The following RAVER2 variants were observed in gnomAD, a reference collection of about 807,000 sequenced individuals.
RAVER2 encodes ribonucleoprotein, PTB binding 2, also known as ribonucleoprotein PTB-binding 2.
RAVER2 carries 46 observed loss-of-function variants against 78.1 expected under a neutral mutation model. The ratio of observed to expected loss-of-function variants is 0.59; its 90% CI spans 0.46 to 0.75. The LOEUF (loss-of-function observed/expected upper bound fraction) is 0.75, where lower values mean the gene tolerates loss of function less well. Ranked by LOEUF, RAVER2 falls within the 30% of genes least tolerant of loss-of-function variation. RAVER2 has a pLI of 0.00. For missense variants in RAVER2, 793 were observed against 837.5 expected (o/e 0.95, Z 0.66); for synonymous variants, 311 against 313.3 (o/e 0.99, Z 0.08).
chr1:64,784,093 C>T (rs1006154550), intron 4 of RAVER2, among the ~76,000 whole-genome samples: 11 of 152,172 alleles, frequency 7.2e-5, no homozygotes, highest in African/African-American at 2.4e-4. Context: ...ACATTTAAAA[C>T]CTTCTACTGG....
At chr1:64,804,591 G>A in intron 6 of RAVER2, 143 bp from the exon 7 acceptor site, 1 of 480,730 alleles carries the variant, frequency 2.1e-6, no homozygotes, top group Admixed American at 4.0e-5. Context: ...AATTAGCTTT[G>A]TCTGATAAGT....
intron 5 of RAVER2, among the ~76,000 whole-genome samples, chr1:64,790,917 A>G (rs1349387823): frequency 1.3e-5 from 2 of 152,218 alleles, no homozygotes; most frequent in Admixed American, 1.3e-4. Context: ...TCAATCTTCC[A>G]TATGGCTGCC....
intron 9 of RAVER2, 24 bp from the exon 10 acceptor site, chr1:64,812,714 C>T (rs774512404): frequency 2.7e-6 from 4 of 1,506,310 alleles, no homozygotes; most frequent in Non-Finnish European, 3.7e-6. Context: ...ATTAAGTACT[C>T]CCTCCTTTGT....
intron 4 of RAVER2, among the ~76,000 whole-genome samples, chr1:64,787,346 G>T (rs1007370928): frequency 6.6e-6 from 1 of 152,128 alleles, no homozygotes; most frequent in African/African-American, 2.4e-5. Context: ...TGGGGAAGGG[G>T]ATGGGCAGAG....
chr1:64,783,701 C>G (rs1318447546), intron 4 of RAVER2, among the ~76,000 whole-genome samples: 1 of 152,144 alleles, frequency 6.6e-6, no homozygotes, highest in African/African-American at 2.4e-5. Flanking sequence ...TGTCTATTCA[C>G]TCTGATGGTA....
At chr1:64,812,965 C>A in intron 10 of RAVER2, 116 bp downstream of exon 10, 1 of 571,584 alleles carries the variant, frequency 1.7e-6, no homozygotes, top group Non-Finnish European at 2.9e-6. Context: ...CAAATTAAGG[C>A]CTAAATTATT....
intron 1 of RAVER2, among the ~76,000 whole-genome samples, chr1:64,757,299 T>G (rs918406798): frequency 6.6e-6 from 1 of 152,168 alleles, no homozygotes; most frequent in East Asian, 1.9e-4. Flanking sequence ...TCCAAATTGA[T>G]ATGTTGAAGC....
In RAVER2 at chr1:64,750,503, G is replaced by A. The variant is rs1418540296; in HGVS notation, c.249+5082G>A. Among the ~76,000 whole-genome samples, 2 of 151,618 alleles carry A rather than the reference G, an allele frequency of 1.3e-5. 1 individual carries two copies. Among genetic ancestry groups the A allele is most frequent in the African/African-American group, 4.8e-5 (2 of 41,306 alleles). ...TTTTTTAATTTTTTGTAGAGACACG[G>A]TCTCTCTATGTTGCCCAGGCTGGTC... is the stretch of plus-strand genomic sequence containing the variant. On this transcript the variant is annotated intron_variant, in intron 1 of 11. Transcript: ENST00000294428.
intron 2 of RAVER2, among the ~76,000 whole-genome samples, chr1:64,776,019 CAAAA>C (rs34578439): frequency 4.6e-5 from 4 of 87,452 alleles, no homozygotes; most frequent in Admixed American, 1.3e-4. Context: ...ACTCTTGTCT[CAAAA>C]AAAAAAAAAA....
intron 3 of RAVER2, among the ~76,000 whole-genome samples, chr1:64,778,947 C>A (rs1246090377): frequency 1.4e-5 from 2 of 146,754 alleles, no homozygotes; most frequent in Non-Finnish European, 3.0e-5. Flanking sequence ...GAGTACATAT[C>A]TATATATGTA....
chr1:64,824,259 A>G (rs749478850), intron 11 of RAVER2, among the ~76,000 whole-genome samples: 3 of 152,234 alleles, frequency 2.0e-5, no homozygotes, highest in African/African-American at 7.2e-5. Flanking sequence ...CAGGGAATCA[A>G]CCACAGAATA....
intron 11 of RAVER2, chr1:64,816,606 T>G (rs951329564): frequency 6.6e-6 from 1 of 152,344 alleles, no homozygotes. Context: ...GAACCAAAAG[T>G]GTTTGTTTTC....
chr1:64,812,837 G>A (rs1653654786), exon 10 of RAVER2: 2 of 1,604,912 alleles, frequency 1.2e-6, no homozygotes, highest in African/African-American at 1.3e-5. Context: ...GTTGCCCAGT[G>A]TGTGCTTATC....
exon 12 of RAVER2, chr1:64,831,782 T>C (rs914762871): frequency 6.6e-6 from 1 of 152,214 alleles, no homozygotes; most frequent in African/African-American, 2.4e-5. Flanking sequence ...AGAAAACTTA[T>C]GACATGAAAT....
chr1:64,751,277 A>C (rs1651690492), intron 1 of RAVER2, among the ~76,000 whole-genome samples: 1 of 152,216 alleles, frequency 6.6e-6, no homozygotes, highest in Admixed American at 6.5e-5. Flanking sequence ...TATTAAGTGT[A>C]AGATTACACT....
intron 5 of RAVER2, among the ~76,000 whole-genome samples, chr1:64,789,829 T>TA (rs1652887307): frequency 6.6e-6 from 1 of 152,188 alleles, no homozygotes; most frequent in Non-Finnish European, 1.5e-5. Context: ...ACTACATTGT[T>TA]ATAACCTATA....
At chr1:64,802,653 A>G (rs1241196704) in intron 5 of RAVER2, among the ~76,000 whole-genome samples, 1 of 152,256 alleles carries the variant, frequency 6.6e-6, no homozygotes, top group African/African-American at 2.4e-5. Flanking sequence ...AAAACACTGA[A>G]TAAATAACAT....
intron 2 of RAVER2, among the ~76,000 whole-genome samples, chr1:64,771,300 A>T (rs1652311273): frequency 6.6e-6 from 1 of 152,082 alleles, no homozygotes; most frequent in African/African-American, 2.4e-5. Flanking sequence ...CAACAGGTCC[A>T]CATAGAATTC....
intron 11 of RAVER2, 114 bp downstream of exon 11, chr1:64,814,954 C>T (rs1194161593): frequency 2.2e-6 from 2 of 915,296 alleles, no homozygotes; most frequent in Admixed American, 3.0e-5. Flanking sequence ...AATCAAATTG[C>T]ACTGATCTAT....
Sources: allele counts gnomAD v4.1 joint callset (sites outside exome capture counted in the v4.1 genomes callset), GRCh38; gene constraint gnomAD v4.1.1; transcripts MANE v1.5; gene names NCBI Gene and HGNC (gene_info 2026-07-23, HGNC 2026-07-21).